Variants in CDH13 observed in about 807,000 individuals in gnomAD.
The protein encoded by CDH13 is cadherin-13.
A neutral mutation model predicts 63.8 loss-of-function variants in CDH13; 24 were observed. The observed-to-expected ratio is 0.38, with a 90% CI of 0.27 to 0.53. The LOEUF (loss-of-function observed/expected upper bound fraction) is 0.53, where lower values mean the gene tolerates loss of function less well. Among genes scored for constraint, CDH13 ranks in the 20% least tolerant of loss-of-function variants. The pLI, the probability that CDH13 is intolerant of heterozygous loss-of-function variation, is 0.85. For synonymous variants in CDH13, 503 were observed against 355.3 expected (o/e 1.42, Z -4.67); for missense variants, 1,049 against 903.1 (o/e 1.16, Z -2.07).
At chr16:82,884,891 C>T (rs532957397) in intron 2 of CDH13, among the ~76,000 whole-genome samples, 2 of 152,290 alleles carry the variant, frequency 1.3e-5, no homozygotes, top group South Asian at 4.1e-4. Flanking sequence ...AAAGTTGCGT[C>T]AAATTTTTAT....
chr16:83,143,193 T>G (rs2036610065), intron 4 of CDH13, among the ~76,000 whole-genome samples: 1 of 152,186 alleles, frequency 6.6e-6, no homozygotes, highest in African/African-American at 2.4e-5. Flanking sequence ...AATTTTGTGA[T>G]GAATAAAAAA....
At chr16:82,627,528 A>G (rs548674710) in intron 1 of CDH13, among the ~76,000 whole-genome samples, 3 of 152,156 alleles carry the variant, frequency 2.0e-5, no homozygotes, top group South Asian at 2.1e-4. Flanking sequence ...GGCGACTCCA[A>G]CGAGCCGCGG....
intron 1 of CDH13, among the ~76,000 whole-genome samples, chr16:82,817,020 G>A (rs564549560): frequency 3.3e-5 from 5 of 152,094 alleles, no homozygotes; most frequent in Admixed American, 6.5e-5. Flanking sequence ...CTTAGGAGGA[G>A]ATATCTAAGC....
chr16:83,557,819 T>G (rs2075632967), intron 7 of CDH13, among the ~76,000 whole-genome samples: 2 of 152,142 alleles, frequency 1.3e-5, no homozygotes, highest in South Asian at 2.1e-4. Context: ...CAGCCACCTG[T>G]GACTTAGAGT....
At chr16:82,976,185 A>C (rs928548950) in intron 2 of CDH13, among the ~76,000 whole-genome samples, 2 of 152,218 alleles carry the variant, frequency 1.3e-5, no homozygotes, top group African/African-American at 4.8e-5. Flanking sequence ...TCTTCATTAG[A>C]CAGGAACTCC....
chr16:83,671,335 G>T (rs535809596), intron 9 of CDH13, among the ~76,000 whole-genome samples: 2 of 152,006 alleles, frequency 1.3e-5, no homozygotes, highest in Admixed American at 6.6e-5. Flanking sequence ...TGCAATCTCC[G>T]CCTCCTAGGT....
At chr16:83,066,650 AAAG>A (rs1325984431) in intron 3 of CDH13, among the ~76,000 whole-genome samples, 16 of 152,218 alleles carry the variant, frequency 1.1e-4, no homozygotes, top group African/African-American at 3.6e-4. Context: ...CTATTAATTT[AAAG>A]AACAGAATGA....
intron 7 of CDH13, among the ~76,000 whole-genome samples, chr16:83,577,252 C>T (rs1301003226): frequency 6.6e-6 from 1 of 152,220 alleles, no homozygotes; most frequent in East Asian, 1.9e-4. Flanking sequence ...ACTGTGTCCA[C>T]TGACCAAGTC....
intron 7 of CDH13, among the ~76,000 whole-genome samples, chr16:83,587,859 G>C (rs903445680): frequency 6.6e-6 from 1 of 152,154 alleles, no homozygotes; most frequent in Non-Finnish European, 1.5e-5. Context: ...AATTTTACAC[G>C]GTGGCAAATA....
At chr16:83,478,313 C>A (rs138327356) in intron 6 of CDH13, among the ~76,000 whole-genome samples, 3 of 152,184 alleles carry the variant, frequency 2.0e-5, no homozygotes, top group African/African-American at 4.8e-5. Flanking sequence ...GCCTTGAGAG[C>A]GCTTTACTCA....
chr16:83,677,977 AT>A (rs763960715), intron 9 of CDH13, among the ~76,000 whole-genome samples: 2 of 152,098 alleles, frequency 1.3e-5, no homozygotes, highest in Non-Finnish European at 2.9e-5. Context: ...TCATTTCTTA[AT>A]CAAAAACACA....
intron 7 of CDH13, among the ~76,000 whole-genome samples, chr16:83,501,241 C>T (rs2074276716): frequency 6.6e-6 from 1 of 152,198 alleles, no homozygotes; most frequent in Non-Finnish European, 1.5e-5. Context: ...TTGTGAAGAA[C>T]AGCTATAGAA....
intron 1 of CDH13, among the ~76,000 whole-genome samples, chr16:82,846,395 C>G (rs1395503780): frequency 6.6e-6 from 1 of 151,954 alleles, no homozygotes; most frequent in Non-Finnish European, 1.5e-5. Context: ...TAAATAATAA[C>G]TAGCACATAA....
intron 1 of CDH13, among the ~76,000 whole-genome samples, chr16:82,774,385 C>T (rs1428104984): frequency 2.6e-5 from 4 of 151,156 alleles, no homozygotes; most frequent in Admixed American, 2.6e-4. Context: ...TGGATACTTA[C>T]ACTAGCTATC....
At chr16:83,423,443 G>A (rs1273826686) in intron 6 of CDH13, among the ~76,000 whole-genome samples, 2 of 151,738 alleles carry the variant, frequency 1.3e-5, no homozygotes, top group Non-Finnish European at 2.9e-5. Context: ...AGGAATCCTT[G>A]ATCTCGCATC....
chr16:83,079,130 T>C (rs2033058928), intron 3 of CDH13, among the ~76,000 whole-genome samples: 1 of 152,104 alleles, frequency 6.6e-6, no homozygotes, highest in Non-Finnish European at 1.5e-5. Context: ...CACTCCACAT[T>C]CCCCAGGTAG....
intron 2 of CDH13, among the ~76,000 whole-genome samples, chr16:82,873,178 A>T (rs1239232262): frequency 6.6e-6 from 1 of 152,150 alleles, no homozygotes; most frequent in East Asian, 1.9e-4. Flanking sequence ...TGAGGGAGTA[A>T]CTCATGTCAA....
At chr16:83,486,843 G>A (rs2073901500) in intron 7 of CDH13, among the ~76,000 whole-genome samples, 188 bp downstream of exon 7, 1 of 152,108 alleles carries the variant, frequency 6.6e-6, no homozygotes, top group South Asian at 2.1e-4. Context: ...GAAAACACGT[G>A]CTCTAAAAGG....
At chr16:83,659,785 CTTT>C (rs35285231) in intron 8 of CDH13, among the ~76,000 whole-genome samples, 3 of 122,906 alleles carry the variant, frequency 2.4e-5, no homozygotes. Context: ...AGTCCACAAC[CTTT>C]TTTTTTTTTT....
Sources: gnomAD v4.1 joint callset for allele counts (sites outside exome capture counted in the v4.1 genomes callset) on GRCh38, gnomAD v4.1.1 for gene constraint, MANE v1.5 for transcripts, NCBI Gene and HGNC (gene_info 2026-07-23, HGNC 2026-07-21) for gene names.